KAZN: variants seen among roughly 807,000 people sequenced by gnomAD.
The protein encoded by KAZN is kazrin, periplakin interacting protein, also known as kazrin.
A neutral mutation model predicts 87.4 loss-of-function variants in KAZN; 40 were observed. The observed-to-expected ratio is 0.46, with a 90% CI of 0.36 to 0.60. KAZN has a LOEUF of 0.60. KAZN is among the 20% of genes least tolerant of loss of function. The pLI is 0.00. For missense variants in KAZN, 898 were observed against 1,073.9 expected (o/e 0.84, Z 2.29); for synonymous variants, 466 against 458.3 (o/e 1.02, Z -0.22).
chr1:14,836,102 A>T (rs1368368430), intron 1 of KAZN, among the ~76,000 whole-genome samples: 10 of 152,140 alleles, frequency 6.6e-5, no homozygotes, highest in Non-Finnish European at 1.3e-4. Context: ...TAAGTTTTAC[A>T]GAAAGTGTGC....
intron 1 of KAZN, among the ~76,000 whole-genome samples, chr1:14,007,952 GGC>G (rs1640108644): frequency 6.6e-6 from 1 of 152,084 alleles, no homozygotes; most frequent in Non-Finnish European, 1.5e-5. Context: ...ACGTCCTTTT[GGC>G]CCTCAGTTGC....
At chr1:14,900,710 C>T (rs182083108) in intron 1 of KAZN, among the ~76,000 whole-genome samples, 1,542 of 150,064 alleles carry the variant, frequency 0.01, 34 homozygotes, top group African/African-American at 0.035. Context: ...GCCGAGATCG[C>T]GCCACTGCAC....
chr1:14,772,971 T>A (rs1050606783), intron 1 of KAZN, among the ~76,000 whole-genome samples: 2 of 152,034 alleles, frequency 1.3e-5, no homozygotes, highest in Non-Finnish European at 2.9e-5. Context: ...CGCAGTTGAG[T>A]CATCTCTCTT....
intron 2 of KAZN, among the ~76,000 whole-genome samples, chr1:14,335,156 T>A (rs1021546539): frequency 9.4e-5 from 14 of 149,308 alleles, no homozygotes; most frequent in Non-Finnish European, 1.0e-4. Flanking sequence ...GCTCTGTGAG[T>A]TCACAAAATA....
intron 2 of KAZN, among the ~76,000 whole-genome samples, chr1:14,463,190 A>T (rs935222195): frequency 1.3e-5 from 2 of 152,176 alleles, no homozygotes; most frequent in African/African-American, 4.8e-5. Context: ...CTACGGAAAA[A>T]GGTGGTAGCT....
chr1:14,871,777 A>G (rs1452911070), intron 1 of KAZN, among the ~76,000 whole-genome samples: 4 of 151,836 alleles, frequency 2.6e-5, no homozygotes, highest in Non-Finnish European at 5.9e-5. Flanking sequence ...GATTGACCAG[A>G]TCTGAGTCAC....
intron 2 of KAZN, among the ~76,000 whole-genome samples, chr1:14,966,767 G>A (rs1664500390): frequency 6.6e-6 from 1 of 152,098 alleles, no homozygotes; most frequent in Non-Finnish European, 1.5e-5. Context: ...CGTCTCCTGG[G>A]TTCAGACGAT....
At chr1:14,865,078 G>T (rs1651301855) in intron 1 of KAZN, among the ~76,000 whole-genome samples, 1 of 152,166 alleles carries the variant, frequency 6.6e-6, no homozygotes, top group Non-Finnish European at 1.5e-5. Context: ...GGATTGGAAT[G>T]TGTGAGAGGA....
intron 2 of KAZN, among the ~76,000 whole-genome samples, chr1:14,196,526 A>G (rs1335215559): frequency 6.6e-6 from 1 of 152,078 alleles, no homozygotes; most frequent in African/African-American, 2.4e-5. Flanking sequence ...AGAGGAGTCA[A>G]GGGCAACCCT....
chr1:14,537,126 T>C (rs1478441642), intron 2 of KAZN, among the ~76,000 whole-genome samples: 1 of 152,174 alleles, frequency 6.6e-6, no homozygotes, highest in Non-Finnish European at 1.5e-5. Flanking sequence ...TGGATAAATA[T>C]CCACAAACCT....
chr1:15,070,033 C>A (rs12030170), intron 8 of KAZN, among the ~76,000 whole-genome samples: 3 of 152,200 alleles, frequency 2.0e-5, no homozygotes, highest in Admixed American at 6.5e-5. Context: ...AGAAAACAGA[C>A]GTTGAGTAAC....
chr1:14,109,058 A>G (rs927230273), intron 1 of KAZN, among the ~76,000 whole-genome samples: 6 of 152,246 alleles, frequency 3.9e-5, no homozygotes, highest in African/African-American at 1.2e-4. Flanking sequence ...GTCATAGCCC[A>G]TGACCTTTAC....
chr1:14,860,179 A>C (rs6429679), intron 1 of KAZN, among the ~76,000 whole-genome samples: 71,062 of 147,318 alleles, frequency 0.48, 18,367 homozygotes, highest in African/African-American at 0.69. Context: ...CTCTCTCTCT[A>C]GATCTCTCTC....
chr1:14,407,130 A>C (rs1280633706), intron 2 of KAZN, among the ~76,000 whole-genome samples: 1 of 152,154 alleles, frequency 6.6e-6, no homozygotes, highest in African/African-American at 2.4e-5. Flanking sequence ...TTGTATTCAG[A>C]TATTACTGAG....
At chr1:14,615,444 A>G (rs903360363) in intron 1 of KAZN, among the ~76,000 whole-genome samples, 4 of 152,198 alleles carry the variant, frequency 2.6e-5, no homozygotes, top group African/African-American at 9.6e-5. Context: ...CCTGGCCAAC[A>G]TGGCAAAACC....
Position 14,300,413 on chromosome 1 carries a change from G to C in KAZN, c.249+119821G>C, listed in dbSNP as rs540403333. Among the ~76,000 whole-genome samples the C allele has an allele frequency of 2.6e-5, 4 of 152,110 alleles. No homozygotes were observed. In the East Asian group the frequency reaches 7.7e-4, roughly 29 times the overall value. On this transcript the variant is annotated intron_variant, in intron 2 of 16. Transcript: ENST00000636203. ...TGCCCTGCTAATTGTTGAATTTTCT[G>C]TAGAGATGAGGTCTCCCTATGTTGC... is the stretch of plus-strand genomic sequence containing the variant.
chr1:14,196,666 G>A (rs1570989384), intron 2 of KAZN, among the ~76,000 whole-genome samples: 1 of 152,170 alleles, frequency 6.6e-6, no homozygotes, highest in Non-Finnish European at 1.5e-5. Context: ...TTAAGATGCT[G>A]GGAGACCTCC....
chr1:14,416,320 T>C (rs922204698), intron 2 of KAZN, among the ~76,000 whole-genome samples: 1 of 152,192 alleles, frequency 6.6e-6, no homozygotes, highest in African/African-American at 2.4e-5. Context: ...TGTTTGGGTA[T>C]AAAATATTAC....
At chr1:14,583,437 G>A (rs939172800) in intron 2 of KAZN, among the ~76,000 whole-genome samples, 2 of 152,224 alleles carry the variant, frequency 1.3e-5, no homozygotes, top group African/African-American at 2.4e-5. Context: ...GGAGATGCAC[G>A]TGTAGGAGTG....
Sources: allele counts gnomAD v4.1 joint callset (sites outside exome capture counted in the v4.1 genomes callset), GRCh38; gene constraint gnomAD v4.1.1; transcripts MANE v1.5; gene names NCBI Gene and HGNC (gene_info 2026-07-23, HGNC 2026-07-21).